CDC42BPB: variants seen among roughly 807,000 people sequenced by gnomAD.
CDC42BPB encodes the protein CDC42 binding protein kinase beta, also known as serine/threonine-protein kinase MRCK beta.
A neutral mutation model predicts 214.9 loss-of-function variants in CDC42BPB; 37 were observed. The observed-to-expected ratio is 0.17, with a 90% CI of 0.13 to 0.23. The LOEUF (loss-of-function observed/expected upper bound fraction) is 0.23, where lower values mean the gene tolerates loss of function less well. CDC42BPB is among the 10% of genes least tolerant of loss of function. The pLI, the probability that CDC42BPB is intolerant of heterozygous loss-of-function variation, is 1.00. For synonymous variants in CDC42BPB, 931 were observed against 884.0 expected, an observed-to-expected ratio of 1.05 and a Z score of -0.94; for missense variants, 1,694 against 2,227.0, an observed-to-expected ratio of 0.76 and a Z score of 4.82.
intron 5 of CDC42BPB, among the ~76,000 whole-genome samples, chr14:102,991,691 C>T (rs1555391177): frequency 6.6e-6 from 1 of 152,048 alleles, no homozygotes; most frequent in Non-Finnish European, 1.5e-5. Context: ...TAATAGGAGC[C>T]AAAATATTAA....
chr14:102,950,752 G>C, intron 24 of CDC42BPB, 150 bp from the exon 25 acceptor site: 2 of 1,287,540 alleles, frequency 1.6e-6, no homozygotes, highest in East Asian at 3.1e-5. Flanking sequence ...GACCACTTGA[G>C]GTCAGCAGTT....
At chr14:103,052,949 C>A (rs1011631006) in intron 1 of CDC42BPB, among the ~76,000 whole-genome samples, 2 of 152,256 alleles carry the variant, frequency 1.3e-5, no homozygotes, top group African/African-American at 2.4e-5. Flanking sequence ...ACAAATTCAT[C>A]TCACTGGGTT....
chr14:103,041,664 C>T (rs756971650), intron 1 of CDC42BPB: 57 of 581,502 alleles, frequency 9.8e-5, no homozygotes, highest in Non-Finnish European at 4.9e-5. Flanking sequence ...TGCGAAATCA[C>T]ACCAAGGTGC....
At chr14:103,020,039 G>A (rs1886681469) in intron 1 of CDC42BPB, among the ~76,000 whole-genome samples, 1 of 152,254 alleles carries the variant, frequency 6.6e-6, no homozygotes, top group South Asian at 2.1e-4. Context: ...AAAGAGGACG[G>A]TGTCAAGAGC....
chr14:102,986,631 G>A, intron 5 of CDC42BPB, 51 bp from the exon 6 acceptor site: 1 of 1,595,084 alleles, frequency 6.3e-7, no homozygotes, highest in Non-Finnish European at 8.6e-7. Flanking sequence ...AACACATTAG[G>A]TAGATCAAAG....
chr14:103,053,604 A>AT (rs1888754738), intron 1 of CDC42BPB, among the ~76,000 whole-genome samples: 1 of 150,068 alleles, frequency 6.7e-6, no homozygotes, highest in Admixed American at 6.6e-5. Flanking sequence ...TACTAAAAAT[A>AT]CAAAAAAATT....
chr14:102,942,892 G>A (rs555019939), intron 30 of CDC42BPB, among the ~76,000 whole-genome samples: 4 of 151,970 alleles, frequency 2.6e-5, no homozygotes, highest in South Asian at 2.1e-4. Context: ...TGTTTAAGAC[G>A]GAGTCTCGCT....
rs530300961 is a variant in CDC42BPB, at chr14:102,975,719, T to C, written c.1472A>G (p.Asn491Ser). Residue 491 changes from asparagine (N) to serine (S), a missense_variant, in exon 11 of 37, where the codon AAT (asparagine) becomes AGT (serine). This residue lies in a region of CDC42BPB where 462 missense variants were observed against 513.5 expected (regional missense o/e 0.90). Transcript: ENST00000361246. ...ATTCTTCAAGCGTTCGATTTCTTCA[T>C]TTAGCTTTTTGATTTCTTTATCTCG... The part of the protein sequence containing the change: ...SNRDKEIKKL[N>S]EEIERLKNKI... 1 of 1,614,028 alleles carries C rather than the reference T, an allele frequency of 6.2e-7. No homozygotes were observed. Among genetic ancestry groups the C allele is most frequent in the Non-Finnish European group, 8.5e-7 (1 of 1,179,868 alleles).
chr14:102,983,459 G>A (rs1327013088), intron 7 of CDC42BPB, 97 bp downstream of exon 7: 11 of 1,533,734 alleles, frequency 7.2e-6, no homozygotes, highest in Middle Eastern at 1.7e-4. Flanking sequence ...TCAACTACTC[G>A]CGTTGCTTCC....
At position 102,939,659 on chromosome 14, in the gene CDC42BPB, G is replaced by A. The variant is rs1351709514; in HGVS notation, c.4778C>T (p.Ala1593Val). ...CATGCCGTCGCCTGGGCCCATGTGGGCCACGTGGTTGAAGTTGGTTGGGTT... is the reference window on the plus strand; with the variant it reads ...CATGCCGTCGCCTGGGCCCATGTGGACCACGTGGTTGAAGTTGGTTGGGTT... The part of the protein sequence containing the change: ...ISNPTNFNHV[A>V]HMGPGDGMQV... The change falls in exon 34 of 37, where the codon GCC (alanine) becomes GTC (valine). Residue 1593 changes from alanine (A) to valine (V), a missense_variant. This residue lies in a region of CDC42BPB where 567 missense variants were observed against 790.3 expected (regional missense o/e 0.72). Coordinates refer to ENST00000361246, the MANE Select transcript of CDC42BPB (RefSeq NM_006035.4). 6.2e-7 allele frequency: 1 copy of A among 1,614,080 alleles called. No homozygotes were observed. Among genetic ancestry groups the A allele is most frequent in the Non-Finnish European group, 8.5e-7 (1 of 1,180,046 alleles).
At chr14:102,948,640 G>T (rs1191214393) in intron 26 of CDC42BPB, among the ~76,000 whole-genome samples, 2 of 85,860 alleles carry the variant, frequency 2.3e-5, no homozygotes, top group Non-Finnish European at 4.8e-5. Context: ...GAGGGGGAGT[G>T]GGGGGTGGGT....
At chr14:103,029,547 GAA>G (rs762169713) in intron 1 of CDC42BPB, among the ~76,000 whole-genome samples, 15 of 122,530 alleles carry the variant, frequency 1.2e-4, no homozygotes, top group African/African-American at 3.9e-4. Flanking sequence ...TGTCTCAAAG[GAA>G]AAAAAAAAAA....
chr14:102,937,906 G>A (rs918191901), intron 36 of CDC42BPB, among the ~76,000 whole-genome samples, 198 bp downstream of exon 36: 2 of 152,174 alleles, frequency 1.3e-5, no homozygotes, highest in African/African-American at 4.8e-5. Flanking sequence ...AAGGAGCTTG[G>A]GGTCTGACCA....
In CDC42BPB at chr14:102,932,454, T is replaced by C. The variant is rs1029770599; in HGVS notation, c.*1258A>G. On this transcript the variant is annotated 3_prime_UTR_variant, in exon 37 of 37. Coordinates refer to ENST00000361246, the MANE Select transcript of CDC42BPB (RefSeq NM_006035.4). ...AATGTTCTCACAATTCAATAATTAA[T>C]TACAAAGACTGAGACTTACATTAAA... 1.3e-5 allele frequency: 2 copies of C among 152,280 alleles called. No individual in the cohort carries two copies. Among genetic ancestry groups the C allele is most frequent in the Non-Finnish European group, 1.5e-5 (1 of 68,026 alleles). The allele number at this position is 152,280 out of a possible 1,614,324, so 9.4% of individuals were successfully genotyped here.
chr14:102,947,901 C>G, intron 26 of CDC42BPB, 99 bp from the exon 27 acceptor site: 2 of 1,591,542 alleles, frequency 1.3e-6, no homozygotes, highest in South Asian at 2.2e-5. Flanking sequence ...GTCCTTCCAC[C>G]ACCGTGTTCT....
chr14:103,057,032 G>T lies in CDC42BPB; in HGVS notation c.142C>A (p.Arg48Ser). 1.3e-6 allele frequency: 2 copies of T among 1,504,386 alleles called. No homozygotes were observed. The highest frequency in any genetic ancestry group is 1.2e-5 in the South Asian group (1 of 80,260). 93.2% of individuals were successfully genotyped at this position (1,504,386 alleles called of 1,614,324 possible). A position where few individuals can be genotyped will look rare whatever the true frequency, so the allele number is the denominator to read the frequency against. The change falls in exon 1 of 37, where the codon CGC becomes AGC. Residue 48 changes from arginine to serine, a missense_variant. Physicochemically the swap from Arg to Ser is moderately radical, Grantham distance 110. This residue lies in a region of CDC42BPB where 83 missense variants were observed against 79.9 expected (regional missense o/e 1.04). Coordinates refer to ENST00000361246, the MANE Select transcript of CDC42BPB (RefSeq NM_006035.4). ...AGGAACTCGGCCACGTACTTGTCGC[G>T]GCGCAGGGCCGAGTGGCTGCACTCG... Reference protein sequence around the residue: ...YTECSHSALRRDKYVAEFLEW... With the variant: ...YTECSHSALRSDKYVAEFLEW...
At chr14:103,035,372 A>C (rs1887609002) in intron 1 of CDC42BPB, among the ~76,000 whole-genome samples, 1 of 152,068 alleles carries the variant, frequency 6.6e-6, no homozygotes, top group Non-Finnish European at 1.5e-5. Flanking sequence ...GGTTTTATAA[A>C]TGCATACTTT....
chr14:103,019,264 C>T (rs888695342), intron 1 of CDC42BPB, among the ~76,000 whole-genome samples: 1 of 152,198 alleles, frequency 6.6e-6, no homozygotes, highest in Non-Finnish European at 1.5e-5. Context: ...CCTAGAGACA[C>T]GGCCGCCCTG....
chr14:102,977,064 G>T (rs762648563), intron 9 of CDC42BPB, among the ~76,000 whole-genome samples: 1 of 152,098 alleles, frequency 6.6e-6, no homozygotes, highest in African/African-American at 2.4e-5. Context: ...GATATCAGCC[G>T]GGCGCGGTGG....
Sources: gnomAD v4.1 joint callset for allele counts (sites outside exome capture counted in the v4.1 genomes callset) on GRCh38, gnomAD v4.1.1 for gene constraint, gnomAD v4.1.1 regional missense constraint, MANE v1.5 for transcripts, NCBI Gene and HGNC (gene_info 2026-07-23, HGNC 2026-07-21) for gene names.